PARD3B: variants seen among roughly 807,000 people sequenced by gnomAD.
PARD3B encodes partitioning defective 3 homolog B.
Under a neutral mutation model 130.2 loss-of-function variants are expected in PARD3B, and 103 were observed. That is an observed-to-expected ratio of 0.79 (90% CI 0.67 to 0.93). The LOEUF is 0.93. Among genes scored for constraint, PARD3B ranks in the 40% least tolerant of loss-of-function variants. PARD3B has a pLI of 0.00. For missense variants in PARD3B, 1,609 were observed against 1,499.2 expected, an observed-to-expected ratio of 1.07 and a Z score of -1.21; for synonymous variants, 583 against 553.2, an observed-to-expected ratio of 1.05 and a Z score of -0.76.
chr2:204,592,728 C>T (rs745690434), intron 1 of PARD3B, among the ~76,000 whole-genome samples: 4 of 152,154 alleles, frequency 2.6e-5, no homozygotes, highest in African/African-American at 9.7e-5. Context: ...TTGGAATGCT[C>T]TCATACATTC....
intron 1 of PARD3B, among the ~76,000 whole-genome samples, chr2:204,560,208 T>C (rs373958120): frequency 2.6e-5 from 4 of 152,134 alleles, no homozygotes; most frequent in African/African-American, 7.2e-5. Context: ...TGCCATGTAA[T>C]CAGTGAGGTC....
At position 205,283,508 on chromosome 2, in the gene PARD3B, T is replaced by G. The variant is rs539564445; in HGVS notation, c.2186-17022T>G. 3.9e-5 allele frequency among the ~76,000 whole-genome samples: 6 copies of G among 152,290 alleles called. 1 individual carries two copies. In the South Asian group the frequency reaches 1.2e-3, roughly 32 times the overall value. ...TCACTTTATTGCCCAGGCTCAAACA[T>G]TCTTATGAATTCAAGTCCCTAAATG... On this transcript the variant is annotated intron_variant, in intron 16 of 22. Transcript: ENST00000406610.
At chr2:205,531,945 G>T (rs549501106) in intron 21 of PARD3B, among the ~76,000 whole-genome samples, 1 of 149,176 alleles carries the variant, frequency 6.7e-6, no homozygotes, top group East Asian at 2.0e-4. Flanking sequence ...CCTTCTTTCT[G>T]TTTTTTTTTT....
intron 4 of PARD3B, among the ~76,000 whole-genome samples, chr2:205,066,706 C>A (rs1700399626): frequency 6.6e-6 from 1 of 152,162 alleles, no homozygotes; most frequent in Non-Finnish European, 1.5e-5. Flanking sequence ...AATTCTCAAT[C>A]TGTGAATTTG....
chr2:204,898,263 A>G (rs1404090255), intron 2 of PARD3B, among the ~76,000 whole-genome samples: 2 of 152,082 alleles, frequency 1.3e-5, no homozygotes, highest in Admixed American at 6.5e-5. Flanking sequence ...TACAAGGTAA[A>G]TGGAGTATCC....
At chr2:204,819,086 A>G (rs1393331942) in intron 2 of PARD3B, among the ~76,000 whole-genome samples, 1 of 152,234 alleles carries the variant, frequency 6.6e-6, no homozygotes, top group African/African-American at 2.4e-5. Context: ...ATACACATAT[A>G]TACATACATA....
rs545204931 is a variant in PARD3B at position 204,712,075 on chromosome 2, A to G, written c.222+25793A>G. ...TTGATCCCTGATATATGATGAATTT[A>G]CACTGTATAACAAATAGTCTTTATC... On this transcript the variant is annotated intron_variant, in intron 2 of 22. Transcript: ENST00000406610. Among the ~76,000 whole-genome samples, 22 of 152,350 alleles carry G rather than the reference A, an allele frequency of 1.4e-4. No individual in the cohort carries two copies. In the East Asian group the frequency reaches 4.1e-3, roughly 28 times the overall value.
rs2033891427 is a variant in PARD3B, at chr2:204,610,750, C to T, written c.120+64631C>T. The stretch of plus-strand genomic sequence containing the variant: ...AGATAGAAGGAGAAACATCATCTCC[C>T]CACCTCTGAGCACCCTAAGAACAAA... On this transcript the variant is annotated intron_variant, in intron 1 of 22. Coordinates refer to ENST00000406610, the MANE Select transcript of PARD3B (RefSeq NM_001302769.2). The surrounding 1 kb of genome is among the most constrained non-coding windows in gnomAD (Gnocchi z 4.1). 1.3e-5 allele frequency among the ~76,000 whole-genome samples: 2 copies of T among 152,152 alleles called. No homozygotes were observed. The highest frequency in any genetic ancestry group is 2.9e-5 in the Non-Finnish European group (2 of 68,032).
Position 205,615,865 on chromosome 2 carries a change from C to G in PARD3B, c.*52C>G, listed in dbSNP as rs181770135. ...CCAGAAAGGAAGGTGTCTACTCTAC[C>G]TTTGCCCTTTCTAAACCTGAAGACC... On this transcript the variant is annotated 3_prime_UTR_variant, in exon 23 of 23. Transcript: ENST00000406610. The G allele has an allele frequency of 1.4e-6, 2 of 1,472,606 alleles. No homozygotes were observed. Among genetic ancestry groups the G allele is most frequent in the African/African-American group, 2.8e-5 (2 of 71,042 alleles). 91.2% of individuals were successfully genotyped at this position (1,472,606 alleles called of 1,614,324 possible). A position where few individuals can be genotyped will look rare whatever the true frequency, so the allele number is the denominator to read the frequency against.
intron 20 of PARD3B, among the ~76,000 whole-genome samples, chr2:205,443,722 G>A (rs900114131): frequency 3.3e-5 from 5 of 152,152 alleles, no homozygotes; most frequent in South Asian, 4.1e-4. Context: ...ACCCAGACAC[G>A]GAGCATGGGT....
intron 16 of PARD3B, among the ~76,000 whole-genome samples, chr2:205,247,716 C>T (rs1401975192): frequency 1.3e-5 from 2 of 152,158 alleles, no homozygotes; most frequent in Non-Finnish European, 2.9e-5. Flanking sequence ...TAACCAGCCA[C>T]TTGATAACTT....
chr2:205,419,895 C>T (rs1163581712), intron 19 of PARD3B, among the ~76,000 whole-genome samples: 1 of 152,134 alleles, frequency 6.6e-6, no homozygotes, highest in Admixed American at 6.5e-5. Context: ...GGATGGTCTT[C>T]AAATGATGTC....
intron 1 of PARD3B, among the ~76,000 whole-genome samples, chr2:204,646,002 T>C (rs1233269738): frequency 6.6e-6 from 1 of 152,146 alleles, no homozygotes; most frequent in African/African-American, 2.4e-5. Context: ...CTCTTCCTTC[T>C]TGTCTAAGGA....
intron 3 of PARD3B, among the ~76,000 whole-genome samples, chr2:204,987,694 T>C (rs1462390556): frequency 3.3e-5 from 5 of 152,224 alleles, no homozygotes; most frequent in Non-Finnish European, 7.3e-5. Flanking sequence ...GAATTTTTTT[T>C]TTCAGTGTTC....
At chr2:205,573,444 G>C (rs902801630) in intron 22 of PARD3B, among the ~76,000 whole-genome samples, 1 of 152,126 alleles carries the variant, frequency 6.6e-6, no homozygotes. Context: ...ACAATTCTGG[G>C]CTCCAGAGCA....
chr2:204,701,333 A>G (rs2037883177), intron 2 of PARD3B, among the ~76,000 whole-genome samples: 1 of 152,218 alleles, frequency 6.6e-6, no homozygotes, highest in Admixed American at 6.5e-5. Flanking sequence ...TTTTAACCCT[A>G]TAAATACAGC....
intron 22 of PARD3B, among the ~76,000 whole-genome samples, chr2:205,609,033 G>A (rs1020468164): frequency 3.3e-5 from 5 of 152,106 alleles, no homozygotes; most frequent in Non-Finnish European, 5.9e-5. Flanking sequence ...TGATGAAAGC[G>A]GATTTTTTTC....
intron 13 of PARD3B, among the ~76,000 whole-genome samples, chr2:205,180,344 A>G (rs917996587): frequency 2.0e-5 from 3 of 152,000 alleles, no homozygotes; most frequent in African/African-American, 7.3e-5. Context: ...ACATGATGCT[A>G]TAAAAGAGTA....
At chr2:204,941,190 A>G (rs1312407031) in intron 2 of PARD3B, among the ~76,000 whole-genome samples, 1 of 152,204 alleles carries the variant, frequency 6.6e-6, no homozygotes, top group Non-Finnish European at 1.5e-5. Flanking sequence ...TCTGTCCAAC[A>G]TGGCCAAACT....
Sources: gnomAD v4.1 joint callset for allele counts (sites outside exome capture counted in the v4.1 genomes callset) on GRCh38, gnomAD v4.1.1 for gene constraint, Gnocchi (gnomAD v3.1) non-coding constraint, MANE v1.5 for transcripts, NCBI Gene and HGNC (gene_info 2026-07-23, HGNC 2026-07-21) for gene names.